Variants in LTBP1 observed in about 807,000 individuals in gnomAD.
LTBP1 encodes the protein latent-transforming growth factor beta-binding protein 1.
LTBP1 carries 129 observed loss-of-function variants against 207.6 expected under a neutral mutation model. The observed-to-expected ratio is 0.62, with a 90% CI of 0.54 to 0.72. The LOEUF (loss-of-function observed/expected upper bound fraction) is 0.72. Ranked by LOEUF, LTBP1 falls within the 30% of genes least tolerant of loss-of-function variation. The pLI is 0.00. For missense variants in LTBP1, 2,281 were observed against 2,217.2 expected, an observed-to-expected ratio of 1.03 and a Z score of -0.58; for synonymous variants, 963 against 833.7, an observed-to-expected ratio of 1.16 and a Z score of -2.67.
chr2:33,368,904 A>G (rs1230336072), intron 31 of LTBP1, among the ~76,000 whole-genome samples: 1 of 152,160 alleles, frequency 6.6e-6, no homozygotes, highest in Non-Finnish European at 1.5e-5. Context: ...TATACCCCCA[A>G]AATACTGTAA....
intron 3 of LTBP1, among the ~76,000 whole-genome samples, chr2:33,086,934 A>G (rs1042408986): frequency 1.1e-4 from 16 of 151,712 alleles, no homozygotes; most frequent in African/African-American, 3.9e-4. Flanking sequence ...GGATATTTGC[A>G]TTGTGTTTTA....
intron 3 of LTBP1, among the ~76,000 whole-genome samples, chr2:33,093,592 A>T (rs2079224729): frequency 1.3e-5 from 2 of 152,170 alleles, no homozygotes; most frequent in South Asian, 4.2e-4. Flanking sequence ...CATTCTTAAG[A>T]CCCTAGGCAA....
intron 3 of LTBP1, among the ~76,000 whole-genome samples, chr2:33,077,095 CT>C (rs1558603727): frequency 6.6e-6 from 1 of 152,162 alleles, no homozygotes; most frequent in African/African-American, 2.4e-5. Flanking sequence ...AAAGAGGACA[CT>C]GTCAGATGTG....
At chr2:32,981,958 G>A (rs1219053082) in intron 2 of LTBP1, among the ~76,000 whole-genome samples, 1 of 152,196 alleles carries the variant, frequency 6.6e-6, no homozygotes, top group Non-Finnish European at 1.5e-5. Context: ...GACTAATACA[G>A]TAAATCGGTA....
intron 3 of LTBP1, among the ~76,000 whole-genome samples, chr2:33,092,466 A>G (rs944278688): frequency 2.6e-5 from 4 of 152,262 alleles, no homozygotes; most frequent in Non-Finnish European, 4.4e-5. Context: ...TAGAATTACA[A>G]TATAGACTCC....
intron 26 of LTBP1, among the ~76,000 whole-genome samples, chr2:33,348,144 T>C (rs2094728734): frequency 6.6e-6 from 1 of 152,224 alleles, no homozygotes; most frequent in South Asian, 2.1e-4. Flanking sequence ...AGCTTGGTTG[T>C]ATTTTAGGGA....
At chr2:32,954,548 G>C (rs868439378) in intron 2 of LTBP1, among the ~76,000 whole-genome samples, 2,671 of 135,218 alleles carry the variant, frequency 0.02, no homozygotes, top group Non-Finnish European at 0.027. Flanking sequence ...TCCACTCCCC[G>C]CCCCCCCCCA....
rs114918242 is a variant in LTBP1, at chr2:33,258,007, A to G, written c.2395+496A>G. 7.2e-3 allele frequency among the ~76,000 whole-genome samples: 1,097 copies of G among 152,268 alleles called. 9 individuals carry two copies. Among genetic ancestry groups the G allele is most frequent in the African/African-American group, 0.023 (973 of 41,550 alleles). On this transcript the variant is annotated intron_variant, in intron 12 of 33. Transcript: ENST00000404816. Reference sequence around the variant, plus strand: ...ATCACCTAGTGTGGTTCTTCCATTTACCCTCTGAGAAACCTGAGACCTAGA... The same window carrying G: ...ATCACCTAGTGTGGTTCTTCCATTTGCCCTCTGAGAAACCTGAGACCTAGA...
At chr2:32,970,981 G>T in intron 2 of LTBP1, among the ~76,000 whole-genome samples, 1 of 145,844 alleles carries the variant, frequency 6.9e-6, no homozygotes, top group Non-Finnish European at 1.5e-5. Flanking sequence ...TATCTCCCTG[G>T]TTAGCTGTAT....
In LTBP1 at chr2:33,252,666, C is replaced by G. The variant is rs373119899; in HGVS notation, c.2000-11C>G. 5.7e-5 allele frequency: 91 copies of G among 1,603,206 alleles called. No individual in the cohort carries two copies. Among genetic ancestry groups the G allele is most frequent in the Non-Finnish European group, 7.3e-5 (86 of 1,172,408 alleles). On this transcript the variant is annotated splice_polypyrimidine_tract_variant and intron_variant, in intron 10 of 33. Transcript: ENST00000404816. Reference sequence around the variant, plus strand: ...TCTCATGTAATGTCGGGCTTTATCTCTCTGCTTCAGCTGATCCCCCTGTGA... The same window carrying G: ...TCTCATGTAATGTCGGGCTTTATCTGTCTGCTTCAGCTGATCCCCCTGTGA...
intron 5 of LTBP1, among the ~76,000 whole-genome samples, chr2:33,169,281 C>G (rs2085213779): frequency 6.6e-6 from 1 of 152,206 alleles, no homozygotes; most frequent in African/African-American, 2.4e-5. Context: ...TTCTTCCATT[C>G]CTAACTCCAC....
rs373644412 is a variant in LTBP1 at position 33,309,143 on chromosome 2, C to T, written c.3482-291C>T. 4.0e-5 allele frequency among the ~76,000 whole-genome samples: 6 copies of T among 151,784 alleles called. No individual in the cohort carries two copies. The South Asian group carries it at 1.3e-3, about 32-fold the overall frequency. On this transcript the variant is annotated intron_variant, in intron 22 of 33. Coordinates refer to ENST00000404816, the MANE Select transcript of LTBP1 (RefSeq NM_206943.4). ...ACTAAAAATACAAAAATTAGTTGGG[C>T]GTGGTGGTGGGCGCCTATAATCCCA...
intron 2 of LTBP1, among the ~76,000 whole-genome samples, chr2:32,988,461 T>C (rs1287356061): frequency 6.6e-6 from 1 of 152,210 alleles, no homozygotes; most frequent in Non-Finnish European, 1.5e-5. Flanking sequence ...ATTCAGGTTA[T>C]ATGGAGCCAG....
chr2:33,056,731 C>T (rs970598186), intron 3 of LTBP1, among the ~76,000 whole-genome samples: 8 of 151,892 alleles, frequency 5.3e-5, no homozygotes, highest in Non-Finnish European at 1.0e-4. Context: ...AGTGTTACAG[C>T]TCATAAAGGC....
At chr2:33,235,233 T>C (rs1261458607) in intron 9 of LTBP1, among the ~76,000 whole-genome samples, 2 of 151,850 alleles carry the variant, frequency 1.3e-5, no homozygotes, top group African/African-American at 4.8e-5. Context: ...CATCAAAAAG[T>C]AGGTGAAGGA....
chr2:33,143,235 C>G (rs150076759), intron 5 of LTBP1, among the ~76,000 whole-genome samples: 1,529 of 152,276 alleles, frequency 0.01, 26 homozygotes, highest in Admixed American at 0.047. Flanking sequence ...GCTACAGAGC[C>G]TCATTTCCCT....
chr2:33,377,568 A>C (rs1032468835), intron 31 of LTBP1, among the ~76,000 whole-genome samples: 3 of 152,178 alleles, frequency 2.0e-5, no homozygotes, highest in Non-Finnish European at 2.9e-5. Flanking sequence ...ATAGAAAATA[A>C]ATTTCATTAT....
intron 3 of LTBP1, 65 bp downstream of exon 3, chr2:33,021,271 T>A: frequency 7.1e-7 from 1 of 1,410,460 alleles, no homozygotes; most frequent in Non-Finnish European, 9.6e-7. Context: ...TGCCTTGCTT[T>A]AAATCACTGT....
chr2:33,130,052 G>C (rs2081676723), intron 4 of LTBP1, among the ~76,000 whole-genome samples: 1 of 152,222 alleles, frequency 6.6e-6, no homozygotes, highest in Non-Finnish European at 1.5e-5. Context: ...TCCAGGAGGA[G>C]TTAAGCAAGC....
Sources: gnomAD v4.1 joint callset for allele counts (sites outside exome capture counted in the v4.1 genomes callset) on GRCh38, gnomAD v4.1.1 for gene constraint, MANE v1.5 for transcripts, NCBI Gene and HGNC (gene_info 2026-07-23, HGNC 2026-07-21) for gene names.